LPP: variants seen among roughly 807,000 people sequenced by gnomAD.
LPP encodes lipoma-preferred partner.
Under a neutral mutation model 60.4 loss-of-function variants are expected in LPP, and 38 were observed. That is an observed-to-expected ratio of 0.63 (90% CI 0.49 to 0.83). The LOEUF (loss-of-function observed/expected upper bound fraction) is 0.83, where lower values mean the gene tolerates loss of function less well. Among genes scored for constraint, LPP ranks in the 40% least tolerant of loss-of-function variants. The pLI is 0.00. For synonymous variants in LPP, 328 were observed against 290.8 expected (o/e 1.13, Z -1.30); for missense variants, 902 against 783.6 (o/e 1.15, Z -1.80).
intron 2 of LPP, among the ~76,000 whole-genome samples, chr3:188,316,316 T>C (rs927959948): frequency 2.0e-5 from 3 of 152,058 alleles, no homozygotes; most frequent in African/African-American, 7.2e-5. Context: ...ATTAGCCCAA[T>C]CTATTTCTAG....
chr3:188,273,589 CTTTTTTT>C (rs11380757), intron 2 of LPP, among the ~76,000 whole-genome samples: 7 of 80,440 alleles, frequency 8.7e-5, no homozygotes, highest in Admixed American at 2.0e-4. Context: ...TATTTTATAT[CTTTTTTT>C]TTTTTTTTTT....
At chr3:188,577,745 G>GTTCGTTCCTTCCTTCCTTCCTTCC (rs1560587394) in intron 6 of LPP, among the ~76,000 whole-genome samples, 1 of 68,394 alleles carries the variant, frequency 1.5e-5, no homozygotes, top group Non-Finnish European at 3.2e-5. Flanking sequence ...TCCTTCCTTT[G>GTTCGTTCCTTCCTTCCTTCCTTCC]TTCCTTCGTT....
rs572658655 is a variant in LPP at position 188,300,437 on chromosome 3, G to A, written c.-66-41226G>A. Among the ~76,000 whole-genome samples the A allele has an allele frequency of 6.0e-5, 9 of 149,214 alleles. No homozygotes were observed. In the South Asian group the frequency reaches 1.5e-3, roughly 25 times the overall value. On this transcript the variant is annotated intron_variant, in intron 2 of 11. Coordinates refer to ENST00000617246, the MANE Select transcript of LPP (RefSeq NM_001375462.1). ...AAGAAAGGAACTTACTTTAAAACATGGCAGGCACACTTGGCCATTTTTTTT... is the reference window on the plus strand; with the variant it reads ...AAGAAAGGAACTTACTTTAAAACATAGCAGGCACACTTGGCCATTTTTTTT...
intron 8 of LPP, among the ~76,000 whole-genome samples, chr3:188,753,955 T>A (rs191322276): frequency 1.3e-5 from 2 of 152,220 alleles, no homozygotes; most frequent in Admixed American, 6.5e-5. Context: ...GCTTTTAAGA[T>A]ATGATAAAAA....
At chr3:188,203,467 AT>A (rs1188473428) in intron 1 of LPP, among the ~76,000 whole-genome samples, 2 of 92,160 alleles carry the variant, frequency 2.2e-5, no homozygotes, top group Non-Finnish European at 3.8e-5. Context: ...AAATATATAT[AT>A]TTTTAAATAT....
At chr3:188,249,338 C>G (rs899210393) in intron 2 of LPP, among the ~76,000 whole-genome samples, 1 of 151,716 alleles carries the variant, frequency 6.6e-6, no homozygotes, top group African/African-American at 2.4e-5. Flanking sequence ...TCAAGGCTGC[C>G]GTGAGCTGAG....
chr3:188,306,730 G>A (rs1209660083), intron 2 of LPP, among the ~76,000 whole-genome samples: 1 of 152,218 alleles, frequency 6.6e-6, no homozygotes, highest in African/African-American at 2.4e-5. Flanking sequence ...AGGGGTGACA[G>A]CCGCTTGGCG....
At chr3:188,795,583 T>A (rs1269990145) in intron 9 of LPP, among the ~76,000 whole-genome samples, 2 of 152,198 alleles carry the variant, frequency 1.3e-5, no homozygotes, top group Non-Finnish European at 2.9e-5. Flanking sequence ...TGGGGCTCAT[T>A]CACTTTCACA....
intron 3 of LPP, among the ~76,000 whole-genome samples, chr3:188,382,449 C>G (rs918766476): frequency 6.6e-6 from 1 of 152,158 alleles, no homozygotes; most frequent in Non-Finnish European, 1.5e-5. Flanking sequence ...TCTACCCTGT[C>G]TCTCTCACAG....
chr3:188,272,608 C>T (rs573325507), intron 2 of LPP, among the ~76,000 whole-genome samples: 1 of 152,260 alleles, frequency 6.6e-6, no homozygotes, highest in South Asian at 2.1e-4. Flanking sequence ...GATGACACGG[C>T]AGAGTCATTG....
Position 188,841,613 on chromosome 3 carries a change from A to G in LPP, c.1411-24587A>G, listed in dbSNP as rs181299764. Among the ~76,000 whole-genome samples, 7 of 152,126 alleles carry G rather than the reference A, an allele frequency of 4.6e-5. No homozygotes were observed. The East Asian group carries it at 1.2e-3, about 25-fold the overall frequency. On this transcript the variant is annotated intron_variant, in intron 9 of 11. Transcript: ENST00000617246. ...CACCATCTTGGCCAGGATGGTCTCT[A>G]TCTCTTGACTTTGTGATCCGCCCAC...
At chr3:188,323,943 T>C (rs1757649707) in intron 2 of LPP, among the ~76,000 whole-genome samples, 1 of 152,252 alleles carries the variant, frequency 6.6e-6, no homozygotes, top group Non-Finnish European at 1.5e-5. Flanking sequence ...TGTCATTTTC[T>C]TACATAGGAA....
At chr3:188,563,458 A>ATGTGTGTGTGTGTGTGTGTGTGTGTGTGG (rs966931196) in intron 6 of LPP, among the ~76,000 whole-genome samples, 3 of 76,070 alleles carry the variant, frequency 3.9e-5, no homozygotes, top group African/African-American at 1.5e-4. Flanking sequence ...ATTTACATAT[A>ATGTGTGTGTGTGTGTGTGTGTGTGTGTGG]TATGTGTGTG....
chr3:188,182,819 T>C lies in LPP; in HGVS notation c.-190+28567T>C, dbSNP rs895971902. On this transcript the variant is annotated intron_variant, in intron 1 of 11. Transcript: ENST00000617246. This position sits in a 1 kb window ranked among gnomAD's most constrained non-coding sequence, Gnocchi z 4.4. ...ATACAATATATGCACATATATAATA[T>C]ATGTACATATAATATACATACACAC... 2.0e-5 allele frequency among the ~76,000 whole-genome samples: 3 copies of C among 151,310 alleles called. No homozygotes were observed. Among genetic ancestry groups the C allele is most frequent in the African/African-American group, 7.3e-5 (3 of 41,210 alleles).
intron 8 of LPP, among the ~76,000 whole-genome samples, chr3:188,736,279 A>T (rs1722478942): frequency 6.6e-6 from 1 of 152,150 alleles, no homozygotes; most frequent in Non-Finnish European, 1.5e-5. Context: ...AAATTAAGAA[A>T]AAATATGTAA....
At chr3:188,789,669 T>C (rs1410583790) in intron 9 of LPP, among the ~76,000 whole-genome samples, 1 of 152,216 alleles carries the variant, frequency 6.6e-6, no homozygotes, top group Admixed American at 6.5e-5. Flanking sequence ...TATTCATGTT[T>C]ACAGGAATAA....
chr3:188,297,598 C>G (rs1241957807), intron 2 of LPP, among the ~76,000 whole-genome samples: 1 of 152,184 alleles, frequency 6.6e-6, no homozygotes, highest in Non-Finnish European at 1.5e-5. Flanking sequence ...TATAGTGATT[C>G]AAGCTGAACA....
intron 4 of LPP, among the ~76,000 whole-genome samples, chr3:188,461,382 T>C (rs1798917423): frequency 6.6e-6 from 1 of 152,206 alleles, no homozygotes; most frequent in South Asian, 2.1e-4. Context: ...ATAGAAGCCA[T>C]GTTCTTATCA....
At chr3:188,760,064 G>C in intron 8 of LPP, 49 bp from the exon 9 acceptor site, 3 of 1,585,900 alleles carry the variant, frequency 1.9e-6, no homozygotes, top group Non-Finnish European at 2.6e-6. Flanking sequence ...GGCTTTAGCA[G>C]GACTGAAGTA....
Sources: gnomAD v4.1 joint callset for allele counts (sites outside exome capture counted in the v4.1 genomes callset) on GRCh38, gnomAD v4.1.1 for gene constraint, Gnocchi (gnomAD v3.1) non-coding constraint, MANE v1.5 for transcripts, NCBI Gene and HGNC (gene_info 2026-07-23, HGNC 2026-07-21) for gene names.